TMCC1: variants seen among roughly 807,000 people sequenced by gnomAD.
The protein encoded by TMCC1 is transmembrane and coiled-coil domain family 1.
Under a neutral mutation model 52.4 loss-of-function variants are expected in TMCC1, and 15 were observed. The ratio of observed to expected loss-of-function variants is 0.29; its 90% confidence interval spans 0.19 to 0.44. The LOEUF (loss-of-function observed/expected upper bound fraction) is 0.44, where lower values mean the gene tolerates loss of function less well. Among genes scored for constraint, TMCC1 ranks in the 20% least tolerant of loss-of-function variants. The pLI is 1.00. For synonymous variants in TMCC1, 279 were observed against 301.9 expected (o/e 0.92, Z 0.79); for missense variants, 503 against 806.0 (o/e 0.62, Z 4.55).
intron 4 of TMCC1, among the ~76,000 whole-genome samples, chr3:129,746,057 C>T (rs942579012): frequency 6.6e-6 from 1 of 150,514 alleles, no homozygotes. Flanking sequence ...GCACCCAGCC[C>T]TGAACCTCTT....
chr3:129,762,430 T>C lies in TMCC1; in HGVS notation c.576+65373A>G, dbSNP rs577050981. ...TGATACTGCCTGATCACATGAACCC[T>C]GTACTTGACTAGTCAGCTAGTGCAT... On this transcript the variant is annotated intron_variant, in intron 4 of 6. Coordinates refer to ENST00000393238, the MANE Select transcript of TMCC1 (RefSeq NM_001017395.5). 5.9e-5 allele frequency among the ~76,000 whole-genome samples: 9 copies of C among 152,312 alleles called. No homozygotes were observed. The South Asian group carries it at 1.9e-3, about 32-fold the overall frequency.
At chr3:129,800,925 ATTTTTTTTTT>A (rs11394617) in intron 4 of TMCC1, among the ~76,000 whole-genome samples, 125 of 117,946 alleles carry the variant, frequency 1.1e-3, no homozygotes, top group Admixed American at 1.8e-3. Context: ...ATCTCACACT[ATTTTTTTTTT>A]TTTTTTTTTT....
At chr3:129,720,038 A>G (rs1421683753) in intron 4 of TMCC1, among the ~76,000 whole-genome samples, 3 of 151,972 alleles carry the variant, frequency 2.0e-5, no homozygotes, top group African/African-American at 7.3e-5. Flanking sequence ...ATAAATTAGC[A>G]AAGCGTGGTG....
rs200959483 is a variant in TMCC1, at chr3:129,676,024, G to A, written c.577-4760C>T. 1.6e-3 allele frequency among the ~76,000 whole-genome samples: 213 copies of A among 130,834 alleles called. 2 individuals carry two copies. In the East Asian group the frequency reaches 0.024, roughly 15 times the overall value. 85.8% of individuals were successfully genotyped at this position (130,834 alleles called of 152,430 possible). ...TGCACTCCAGCCTGGGCGACAGAGCGAGACTCTGTCTCAAAAAAAAAAAAA... is the reference window on the plus strand; with the variant it reads ...TGCACTCCAGCCTGGGCGACAGAGCAAGACTCTGTCTCAAAAAAAAAAAAA... On this transcript the variant is annotated intron_variant, in intron 4 of 6. Coordinates refer to ENST00000393238, the MANE Select transcript of TMCC1 (RefSeq NM_001017395.5).
intron 1 of TMCC1, 156 bp downstream of exon 1, chr3:129,893,338 G>A (rs975218250): frequency 1.3e-5 from 2 of 152,588 alleles, no homozygotes; most frequent in East Asian, 1.9e-4. Context: ...CGGGGGCGAC[G>A]GCAGGTCCCA....
intron 4 of TMCC1, among the ~76,000 whole-genome samples, chr3:129,806,533 GTC>G (rs1212549421): frequency 6.6e-6 from 1 of 152,188 alleles, no homozygotes; most frequent in Non-Finnish European, 1.5e-5. Flanking sequence ...CAATAAACTA[GTC>G]TCTGTCCTCA....
At chr3:129,664,566 C>G (rs1560139612) in intron 5 of TMCC1, among the ~76,000 whole-genome samples, 1 of 152,164 alleles carries the variant, frequency 6.6e-6, no homozygotes, top group Non-Finnish European at 1.5e-5. Context: ...CAGTAATCCC[C>G]TTCAAATACA....
At chr3:129,821,747 A>G (rs1353455571) in intron 4 of TMCC1, among the ~76,000 whole-genome samples, 3 of 152,184 alleles carry the variant, frequency 2.0e-5, no homozygotes, top group Non-Finnish European at 4.4e-5. Flanking sequence ...CATGAAGACT[A>G]TTTAACCAGC....
chr3:129,719,508 G>A (rs1313074365), intron 4 of TMCC1, among the ~76,000 whole-genome samples: 1 of 152,204 alleles, frequency 6.6e-6, no homozygotes, highest in Non-Finnish European at 1.5e-5. Context: ...AGAAGCACAA[G>A]CAAAATAACC....
chr3:129,883,243 C>T (rs925462507), intron 1 of TMCC1, among the ~76,000 whole-genome samples: 4 of 151,952 alleles, frequency 2.6e-5, no homozygotes, highest in Admixed American at 6.6e-5. Context: ...ACCCGGGAGG[C>T]GGAGGTTGCA....
intron 1 of TMCC1, among the ~76,000 whole-genome samples, chr3:129,884,769 T>C (rs2061613772): frequency 6.6e-6 from 1 of 151,278 alleles, no homozygotes; most frequent in African/African-American, 2.4e-5. Context: ...TTCTTTGAGA[T>C]AAAAAAAAAT....
At chr3:129,709,725 T>C (rs1193811299) in intron 4 of TMCC1, among the ~76,000 whole-genome samples, 2 of 151,980 alleles carry the variant, frequency 1.3e-5, no homozygotes, top group East Asian at 3.9e-4. Context: ...GCTTGTATTT[T>C]TGGGCTTCAG....
intron 4 of TMCC1, among the ~76,000 whole-genome samples, chr3:129,753,487 ATAAT>A (rs1177905569): frequency 1.2e-4 from 19 of 152,364 alleles, no homozygotes; most frequent in African/African-American, 4.1e-4. Context: ...TATAAAACGG[ATAAT>A]TAATACATCA....
At chr3:129,837,135 TG>T (rs2059195435) in intron 2 of TMCC1, among the ~76,000 whole-genome samples, 1 of 151,904 alleles carries the variant, frequency 6.6e-6, no homozygotes, top group Non-Finnish European at 1.5e-5. Flanking sequence ...AACCTTAGCT[TG>T]AGGATACTAT....
At chr3:129,886,963 C>T (rs577540761) in intron 1 of TMCC1, among the ~76,000 whole-genome samples, 3 of 151,724 alleles carry the variant, frequency 2.0e-5, no homozygotes, top group African/African-American at 7.3e-5. Flanking sequence ...ACAAAAAAAA[C>T]CCCAAAAGGC....
chr3:129,704,267 T>A (rs982679543), intron 4 of TMCC1, among the ~76,000 whole-genome samples: 5 of 152,232 alleles, frequency 3.3e-5, no homozygotes, highest in Non-Finnish European at 5.9e-5. Flanking sequence ...GGAAAGAAGC[T>A]GGAATTTTGA....
At position 129,655,165 on chromosome 3, in the gene TMCC1, T is replaced by G. The variant is rs956049409; in HGVS notation, c.1512-62A>C. The stretch of plus-strand genomic sequence containing the variant: ...CTGTGAATATCTTTCCTGGCATTAT[T>G]TACATCCAACTCCCAAAACACATTC... On this transcript the variant is annotated intron_variant, in intron 5 of 6. Transcript: ENST00000393238. The G allele has an allele frequency of 5.7e-6, 9 of 1,578,738 alleles. No homozygotes were observed. In the African/African-American group the frequency reaches 1.1e-4, roughly 19 times the overall value.
intron 4 of TMCC1, among the ~76,000 whole-genome samples, chr3:129,694,685 G>A (rs1284733666): frequency 6.6e-6 from 1 of 152,158 alleles, no homozygotes; most frequent in Non-Finnish European, 1.5e-5. Flanking sequence ...AAATGCCAAG[G>A]CAATGTCAGG....
At chr3:129,825,406 T>C (rs2058614581) in intron 4 of TMCC1, among the ~76,000 whole-genome samples, 1 of 152,100 alleles carries the variant, frequency 6.6e-6, no homozygotes, top group Admixed American at 6.6e-5. Context: ...TTTTCCTAAA[T>C]CTGGCTATAA....
Sources: gnomAD v4.1 joint callset for allele counts (sites outside exome capture counted in the v4.1 genomes callset) on GRCh38, gnomAD v4.1.1 for gene constraint, MANE v1.5 for transcripts, NCBI Gene and HGNC (gene_info 2026-07-23, HGNC 2026-07-21) for gene names.